The following ZNF827 variants were observed in gnomAD, a reference collection of about 807,000 sequenced individuals.
ZNF827 encodes the protein zinc finger protein 827.
A neutral mutation model predicts 102.4 loss-of-function variants in ZNF827; 13 were observed. That is an observed-to-expected ratio of 0.13 (90% CI 0.08 to 0.20). The LOEUF (loss-of-function observed/expected upper bound fraction) is 0.20. Among genes scored for constraint, ZNF827 ranks in the 10% least tolerant of loss-of-function variants. ZNF827 has a pLI of 1.00. For missense variants in ZNF827, 1,103 were observed against 1,344.4 expected (o/e 0.82, Z 2.81); for synonymous variants, 523 against 536.2 (o/e 0.98, Z 0.34).
At chr4:145,910,265 AGAGT>A (rs781120368) in intron 1 of ZNF827, among the ~76,000 whole-genome samples, 10 of 152,186 alleles carry the variant, frequency 6.6e-5, no homozygotes, top group Non-Finnish European at 8.8e-5. Context: ...ACTCCTCTGC[AGAGT>A]GAGTTCGAAA....
In ZNF827 at chr4:145,765,738, C is replaced by T. The variant is rs1475062770; in HGVS notation, c.2861G>A (p.Gly954Glu). 24 of 1,612,268 alleles carry T rather than the reference C, an allele frequency of 1.5e-5. No homozygotes were observed. The highest frequency in any genetic ancestry group is 2.0e-5 in the Non-Finnish European group (24 of 1,179,242). ...IKTHIGTKHT[G>E]EDRKTPSESN... is the part of the protein sequence containing the mutation. ...TTCGCTGGGGGTCTTCCTGTCTTCC[C>T]CTGAAAAATAAGCAAATAACCCAGT... The change falls in exon 12 of 15, where the codon GGG (glycine) becomes GAG (glutamate). Residue 954 changes from glycine (G) to glutamate (E), a missense_variant and splice_region_variant. Transcript: ENST00000508784. This position sits in a 1 kb window ranked among gnomAD's most constrained non-coding sequence, Gnocchi z 4.7.
chr4:145,822,738 C>G (rs1485628991), intron 8 of ZNF827, among the ~76,000 whole-genome samples: 3 of 152,152 alleles, frequency 2.0e-5, no homozygotes, highest in Non-Finnish European at 4.4e-5. Flanking sequence ...CTCAGATGTT[C>G]TCATTTCCCA....
chr4:145,771,765 C>A (rs541393081), intron 11 of ZNF827, among the ~76,000 whole-genome samples: 2 of 152,150 alleles, frequency 1.3e-5, no homozygotes, highest in Non-Finnish European at 2.9e-5. Context: ...AAACAAAATG[C>A]GTGCTGTTGA....
intron 6 of ZNF827, 79 bp from the exon 7 acceptor site, chr4:145,846,092 A>C (rs1745905803): frequency 1.5e-6 from 2 of 1,317,916 alleles, no homozygotes; most frequent in East Asian, 4.6e-5. Context: ...AAGCAGAAAA[A>C]CCCTCAACAT....
In ZNF827 at chr4:145,911,794, C is replaced by T. The variant is rs191852542; in HGVS notation, c.44-8579G>A. ...CTAAATCATGGTACTTTTCAATCAGCATTAAGTGAATGAATGAATTCTAGA... is the reference window on the plus strand; with the variant it reads ...CTAAATCATGGTACTTTTCAATCAGTATTAAGTGAATGAATGAATTCTAGA... On this transcript the variant is annotated intron_variant, in intron 1 of 14. Coordinates refer to ENST00000508784, the MANE Select transcript of ZNF827 (RefSeq NM_001306215.2). 1.6e-3 allele frequency among the ~76,000 whole-genome samples: 245 copies of T among 152,286 alleles called. 1 individual carries two copies. The highest frequency in any genetic ancestry group is 5.7e-3 in the African/African-American group (237 of 41,556).
chr4:145,931,147 C>A (rs1292172734), intron 1 of ZNF827, among the ~76,000 whole-genome samples: 1 of 152,168 alleles, frequency 6.6e-6, no homozygotes, highest in Non-Finnish European at 1.5e-5. Flanking sequence ...AGAAAGCAGC[C>A]AGAAATGTCA....
chr4:145,938,517 G>T lies in ZNF827; in HGVS notation c.-110C>A. ...GAGCGGGGAGGTAGTTGGGGGGCGG[G>T]CGGGCGGGCAGGGGGAAACCCCTTC... On this transcript the variant is annotated 5_prime_UTR_variant, in exon 1 of 15. Transcript: ENST00000508784. 5.0e-6 allele frequency: 1 copy of T among 199,756 alleles called. No homozygotes were observed. Among genetic ancestry groups the T allele is most frequent in the South Asian group, 5.0e-5 (1 of 19,968 alleles). The allele number at this position is 199,756 out of a possible 1,614,324, so 12.4% of individuals were successfully genotyped here. A position where few individuals can be genotyped will look rare whatever the true frequency, so the allele number is the denominator to read the frequency against.
At chr4:145,843,390 A>G (rs895851825) in intron 7 of ZNF827, among the ~76,000 whole-genome samples, 9 of 152,212 alleles carry the variant, frequency 5.9e-5, no homozygotes, top group Non-Finnish European at 8.8e-5. Context: ...AATCTCCCAG[A>G]AAGAGGAGAA....
At chr4:145,815,276 G>T (rs1221996420) in intron 8 of ZNF827, among the ~76,000 whole-genome samples, 4 of 152,198 alleles carry the variant, frequency 2.6e-5, no homozygotes, top group Non-Finnish European at 4.4e-5. Flanking sequence ...TCATGCGAAT[G>T]CAAACACTGG....
intron 6 of ZNF827, 113 bp downstream of exon 6, chr4:145,849,209 T>A: frequency 7.3e-7 from 1 of 1,368,458 alleles, no homozygotes; most frequent in Non-Finnish European, 9.8e-7. Flanking sequence ...ACAAAATTGA[T>A]TTCTGTCTAA....
Position 145,903,055 on chromosome 4 carries a change from G to A in ZNF827, c.204C>T (p.Asp68=). ...DRIQEQSTSP[D]TSLGSTTPSS... is the part of the protein sequence containing the mutation. ...TGGGAGTCGTGCTTCCCAAGGAGGT[G>A]TCCGGGGACGTGGACTGCTCCTGGA... The change falls in exon 2 of 15, where the codon GAC becomes GAT. Residue 68 remains aspartate (D), a synonymous_variant. Coordinates refer to ENST00000508784, the MANE Select transcript of ZNF827 (RefSeq NM_001306215.2). The A allele has an allele frequency of 6.2e-7, 1 of 1,614,218 alleles. No individual in the cohort carries two copies.
intron 1 of ZNF827, among the ~76,000 whole-genome samples, chr4:145,917,350 A>C (rs1430936102): frequency 1.3e-5 from 2 of 152,208 alleles, no homozygotes; most frequent in African/African-American, 2.4e-5. Flanking sequence ...TCCAAGATCA[A>C]GGGGCTGCAT....
At chr4:145,823,271 A>G (rs971911566) in intron 8 of ZNF827, 151 bp downstream of exon 8, 3 of 619,250 alleles carry the variant, frequency 4.8e-6, no homozygotes, top group African/African-American at 3.7e-5. Flanking sequence ...AAACTTTTGT[A>G]GCTTAAATTG....
chr4:145,913,029 T>C (rs1189452732), intron 1 of ZNF827, among the ~76,000 whole-genome samples: 1 of 152,156 alleles, frequency 6.6e-6, no homozygotes, highest in East Asian at 1.9e-4. Flanking sequence ...ACCGACCACA[T>C]TGCTGATCAG....
At chr4:145,848,348 T>C (rs1746185053) in intron 6 of ZNF827, among the ~76,000 whole-genome samples, 2 of 152,202 alleles carry the variant, frequency 1.3e-5, no homozygotes, top group South Asian at 4.1e-4. Flanking sequence ...TACACAGCTA[T>C]GGGCTGTGTT....
chr4:145,850,464 G>A (rs917718881), intron 5 of ZNF827, among the ~76,000 whole-genome samples: 20 of 152,150 alleles, frequency 1.3e-4, no homozygotes, highest in Admixed American at 3.9e-4. Flanking sequence ...AGCCCAAGGA[G>A]CAACACCCAG....
At chr4:145,859,879 A>C (rs1177130284) in intron 5 of ZNF827, among the ~76,000 whole-genome samples, 1 of 152,192 alleles carries the variant, frequency 6.6e-6, no homozygotes, top group East Asian at 1.9e-4. Context: ...ACAGCTTTCT[A>C]GTATGAACAA....
chr4:145,822,920 G>A (rs976024139), intron 8 of ZNF827, among the ~76,000 whole-genome samples: 1 of 152,212 alleles, frequency 6.6e-6, no homozygotes, highest in African/African-American at 2.4e-5. Context: ...ATGGATATAT[G>A]TAGATACTAT....
At chr4:145,846,771 C>T (rs1746002463) in intron 6 of ZNF827, among the ~76,000 whole-genome samples, 2 of 141,260 alleles carry the variant, frequency 1.4e-5, no homozygotes, top group African/African-American at 2.7e-5. Flanking sequence ...GAGCCGAGAT[C>T]GCGCCACTAC....
Sources: gnomAD v4.1 joint callset for allele counts (sites outside exome capture counted in the v4.1 genomes callset) on GRCh38, gnomAD v4.1.1 for gene constraint, Gnocchi (gnomAD v3.1) non-coding constraint, MANE v1.5 for transcripts, NCBI Gene and HGNC (gene_info 2026-07-23, HGNC 2026-07-21) for gene names.